Variants in OR6K3 observed in about 807,000 individuals in gnomAD.
OR6K3 encodes the protein olfactory receptor 6K3.
For missense variants in OR6K3, 396 were observed against 382.5 expected (o/e 1.04, Z -0.29); for synonymous variants, 169 against 137.7 (o/e 1.23, Z -1.59).
intron 1 of OR6K3, among the ~76,000 whole-genome samples, chr1:158,719,314 C>T (rs1656239561): frequency 6.6e-6 from 1 of 151,960 alleles, no homozygotes; most frequent in South Asian, 2.1e-4. Context: ...CCACTTCAAC[C>T]TCTTATAGTT....
rs775479737 is a variant in OR6K3, at chr1:158,717,475, G to T, written c.641C>A (p.Ala214Asp). 6.2e-7 allele frequency: 1 copy of T among 1,613,706 alleles called. No individual in the cohort carries two copies. Among genetic ancestry groups the T allele is most frequent in the Non-Finnish European group, 8.5e-7 (1 of 1,179,770 alleles). Residue 214 changes from alanine to aspartate, a missense_variant, in exon 2 of 2, where the codon GCC (alanine) becomes GAC (aspartate). Coordinates refer to ENST00000368145, the MANE Select transcript of OR6K3 (RefSeq NM_001005327.3). ...VTIIITFLIIALSYVRIVTVI... is the reference protein window; with the variant it reads ...VTIIITFLIIDLSYVRIVTVI... ...AGTGACAATTCTTACATAGGACAGG[G>T]CAATGATTAGGAAGGTAATGATGAT...
upstream of OR6K3, among the ~76,000 whole-genome samples, chr1:158,721,398 C>A (rs914880205): frequency 6.6e-6 from 1 of 151,896 alleles, no homozygotes; most frequent in African/African-American, 2.4e-5. Flanking sequence ...TTGCAAAGTT[C>A]TCATTTTTTT....
At chr1:158,721,748 A>C (rs1251237991), upstream of OR6K3, among the ~76,000 whole-genome samples, 3 of 151,710 alleles carry the variant, frequency 2.0e-5, no homozygotes, top group Middle Eastern at 6.3e-3. Context: ...ATATCTATTA[A>C]TACATTCTCC....
chr1:158,719,561 A>C (rs563231541), intron 1 of OR6K3, among the ~76,000 whole-genome samples: 83 of 152,014 alleles, frequency 5.5e-4, no homozygotes, highest in African/African-American at 1.7e-3. Context: ...TCTGACTTTA[A>C]AGTAACATAT....
At chr1:158,720,943 A>G (rs1233497125), upstream of OR6K3, among the ~76,000 whole-genome samples, 1 of 151,930 alleles carries the variant, frequency 6.6e-6, no homozygotes, top group Non-Finnish European at 1.5e-5. Flanking sequence ...CAATAAATAT[A>G]TATATTTTTC....
intron 1 of OR6K3, 99 bp from the exon 2 acceptor site, chr1:158,718,231 T>C: frequency 1.5e-6 from 1 of 685,356 alleles, no homozygotes; most frequent in Non-Finnish European, 2.5e-6. Flanking sequence ...AAGAACTACC[T>C]TGAAGGTTTC....
At position 158,717,204 on chromosome 1, in the gene OR6K3, G is replaced by A. The variant is rs1247560700; in HGVS notation, c.912C>T (p.Phe304=). ...KDMNNAIKKL[F]CLQKVLNKPG... ...GCTTGTTCAACACTTTTTGAAGACA[G>A]AACAGTTTTTTAATCGCATTGTTCA... Residue 304 remains phenylalanine, a synonymous_variant, in exon 2 of 2, where the codon TTC becomes TTT. Transcript: ENST00000368145. The A allele has an allele frequency of 1.2e-6, 2 of 1,612,922 alleles. No individual in the cohort carries two copies. The highest frequency in any genetic ancestry group is 1.1e-5 in the South Asian group (1 of 90,926).
chr1:158,716,975 G>A lies in OR6K3; in HGVS notation c.*193C>T, dbSNP rs1186685583. The stretch of plus-strand genomic sequence containing the variant: ...TCCACTAAAAATACAAAAATTAGCT[G>A]GGTGTGGTGGTGCATGCCTGTAATC... On this transcript the variant is annotated 3_prime_UTR_variant, in exon 2 of 2. Transcript: ENST00000368145. 7 of 504,688 alleles carry A rather than the reference G, an allele frequency of 1.4e-5. No homozygotes were observed. Among genetic ancestry groups the A allele is most frequent in the Non-Finnish European group, 2.5e-5 (7 of 279,716 alleles). 31.3% of individuals were successfully genotyped at this position (504,688 alleles called of 1,614,324 possible).
Position 158,717,960 on chromosome 1 carries a change from G to A in OR6K3, c.156C>T (p.Asp52=). ...NLLIFSAVRL[D]THLHNPMYNF... ...TATACATGGGGTTGTGGAGATGGGT[G>A]TCCAGCCTTACAGCAGAGAAGATTA... is the stretch of plus-strand genomic sequence containing the variant. The change falls in exon 2 of 2, where the codon GAC becomes GAT. Residue 52 remains aspartate (D), a synonymous_variant. Transcript: ENST00000368145. 3 of 1,613,446 alleles carry A rather than the reference G, an allele frequency of 1.9e-6. No homozygotes were observed. Among genetic ancestry groups the A allele is most frequent in the Non-Finnish European group, 2.5e-6 (3 of 1,179,532 alleles).
rs762871812 is a variant in OR6K3 at position 158,718,024 on chromosome 1, A to G, written c.92T>C (p.Leu31Ser). Residue 31 changes from leucine to serine, a missense_variant, in exon 2 of 2, where the codon TTA becomes TCA. By Grantham distance (145) the Leu-to-Ser change is moderately radical. Coordinates refer to ENST00000368145, the MANE Select transcript of OR6K3 (RefSeq NM_001005327.3). ...QDGSLLYFFPLLFIYTFIIID... is the reference protein window; with the variant it reads ...QDGSLLYFFPSLFIYTFIIID... ...GATAATAAAAGTATAGATGAAAAGT[A>G]AAGGAAAGAAGTACAGGAGACTACC... The G allele has an allele frequency of 1.4e-5, 22 of 1,612,820 alleles. No individual in the cohort carries two copies. The highest frequency in any genetic ancestry group is 1.6e-5 in the Non-Finnish European group (19 of 1,179,216).
chr1:158,719,376 A>G (rs908736508), intron 1 of OR6K3, among the ~76,000 whole-genome samples: 3 of 151,926 alleles, frequency 2.0e-5, no homozygotes, highest in Non-Finnish European at 4.4e-5. Context: ...AACTATTAAT[A>G]CTTCTAAATG....
At chr1:158,718,192 T>C (rs1656213403) in intron 1 of OR6K3, 60 bp from the exon 2 acceptor site, 2 of 870,308 alleles carry the variant, frequency 2.3e-6, no homozygotes, top group South Asian at 1.6e-5. Context: ...ATAAATAAGA[T>C]GTACAGCTAA....
chr1:158,718,951 T>C (rs1487985000), intron 1 of OR6K3, among the ~76,000 whole-genome samples: 1 of 152,076 alleles, frequency 6.6e-6, no homozygotes, highest in Admixed American at 6.6e-5. Context: ...TCTGCATTTC[T>C]TGTTCTCCTT....
upstream of OR6K3, among the ~76,000 whole-genome samples, chr1:158,723,326 C>T (rs977803711): frequency 4.0e-5 from 6 of 151,786 alleles, no homozygotes; most frequent in Non-Finnish European, 7.4e-5. Flanking sequence ...TGAATTCAAC[C>T]AAAGCAGTCT....
Position 158,718,285 on chromosome 1 carries a change from TTTGA to T in OR6K3, c.-17-157_-17-154del, listed in dbSNP as rs759520574. Reference sequence around the variant, plus strand: ...AAACTCATGTACATATTGTCCAATGTTTGATTTTTTTCATATCAAACATTTTTTT... The same window carrying T: ...AAACTCATGTACATATTGTCCAATGTTTTTTTTCATATCAAACATTTTTTT... On this transcript the variant is annotated intron_variant, in intron 1 of 1. Transcript: ENST00000368145. 54 of 498,198 alleles carry T rather than the reference TTTGA, an allele frequency of 1.1e-4. No homozygotes were observed. In the South Asian group the frequency reaches 2.3e-3, roughly 21 times the overall value. 30.9% of individuals were successfully genotyped at this position (498,198 alleles called of 1,614,324 possible). A position where few individuals can be genotyped will look rare whatever the true frequency, so the allele number is the denominator to read the frequency against.
chr1:158,719,704 G>C (rs1656246950), intron 1 of OR6K3, among the ~76,000 whole-genome samples: 1 of 152,034 alleles, frequency 6.6e-6, no homozygotes, highest in South Asian at 2.1e-4. Flanking sequence ...TTAACATGAA[G>C]TTACTTAGCT....
At position 158,718,028 on chromosome 1, in the gene OR6K3, GAA is replaced by G; in HGVS notation, c.86_87del (p.Phe29SerfsTer12). On this transcript the variant is annotated frameshift_variant, in exon 2 of 2. Coordinates refer to ENST00000368145, the MANE Select transcript of OR6K3 (RefSeq NM_001005327.3). LOFTEE classifies it low-confidence loss of function (END_TRUNC). ...QLQDGSLLYF[F>X]PLLFIYTFII... ...ATAAAAGTATAGATGAAAAGTAAAG[GAA>G]AGAAGTACAGGAGACTACCATCCTG... 6.2e-7 allele frequency: 1 copy of G among 1,612,950 alleles called. No individual in the cohort carries two copies. The highest frequency in any genetic ancestry group is 8.5e-7 in the Non-Finnish European group (1 of 1,179,278).
At chr1:158,724,654 A>G (rs432335), upstream of OR6K3, 49,233 of 227,154 alleles carry the variant, frequency 0.22, 5,625 homozygotes, top group African/African-American at 0.3. Flanking sequence ...CCCGGGGGTC[A>G]TGATGGTTGG....
At chr1:158,718,671 A>G (rs1432065001) in intron 1 of OR6K3, among the ~76,000 whole-genome samples, 1 of 151,960 alleles carries the variant, frequency 6.6e-6, no homozygotes, top group Admixed American at 6.6e-5. Context: ...TCCCTACCCG[A>G]CTGGGCCATT....
Sources: gnomAD v4.1 joint callset for allele counts (sites outside exome capture counted in the v4.1 genomes callset) on GRCh38, gnomAD v4.1.1 for gene constraint, MANE v1.5 for transcripts, NCBI Gene and HGNC (gene_info 2026-07-23, HGNC 2026-07-21) for gene names.